UBXN4: variants seen among roughly 807,000 people sequenced by gnomAD.
UBXN4 encodes the protein UBX domain-containing protein 4.
A neutral mutation model predicts 66.2 loss-of-function variants in UBXN4; 35 were observed. That is an observed-to-expected ratio of 0.53 (90% CI 0.40 to 0.70). The LOEUF (loss-of-function observed/expected upper bound fraction) is 0.70. UBXN4 is among the 30% of genes least tolerant of loss of function. The pLI is 0.00. For synonymous variants in UBXN4, 203 were observed against 204.5 expected, an observed-to-expected ratio of 0.99 and a Z score of 0.06; for missense variants, 533 against 599.8, an observed-to-expected ratio of 0.89 and a Z score of 1.16.
At chr2:135,770,863 T>TAA in intron 8 of UBXN4, 128 bp downstream of exon 8, 1 of 912,778 alleles carries the variant, frequency 1.1e-6, no homozygotes, top group African/African-American at 1.7e-5. Context: ...GAGCTTCCTT[T>TAA]TATTAGAAAT....
chr2:135,758,979 G>A (rs1268524766), intron 5 of UBXN4, among the ~76,000 whole-genome samples: 2 of 152,104 alleles, frequency 1.3e-5, no homozygotes, highest in African/African-American at 2.4e-5. Context: ...GGCTGGCCTC[G>A]AACTCCTGAC....
intron 5 of UBXN4, among the ~76,000 whole-genome samples, chr2:135,760,773 C>T (rs1032145650): frequency 6.6e-6 from 1 of 152,210 alleles, no homozygotes; most frequent in Non-Finnish European, 1.5e-5. Context: ...TTCAGTGATA[C>T]ACTGGTAAAC....
In UBXN4 at chr2:135,783,074, T is replaced by C; in HGVS notation, c.*187T>C. 2 of 575,760 alleles carry C rather than the reference T, an allele frequency of 3.5e-6. No homozygotes were observed. The highest frequency in any genetic ancestry group is 5.7e-6 in the Non-Finnish European group (2 of 348,492). The allele number at this position is 575,760 out of a possible 1,614,324, so 35.7% of individuals were successfully genotyped here. A position where few individuals can be genotyped will look rare whatever the true frequency, so the allele number is the denominator to read the frequency against. Reference sequence around the variant, plus strand: ...AAAGTAAAGACAGGAAATAACTCTCTGCTAGGTCCTTGCTTATATGGCAAC... The same window carrying C: ...AAAGTAAAGACAGGAAATAACTCTCCGCTAGGTCCTTGCTTATATGGCAAC... On this transcript the variant is annotated 3_prime_UTR_variant, in exon 13 of 13. Coordinates refer to ENST00000272638, the MANE Select transcript of UBXN4 (RefSeq NM_014607.4).
intron 5 of UBXN4, among the ~76,000 whole-genome samples, chr2:135,758,393 T>C (rs1270761598): frequency 6.6e-6 from 1 of 151,980 alleles, no homozygotes; most frequent in African/African-American, 2.4e-5. Context: ...AATTATATTC[T>C]TTGCAGAGAT....
chr2:135,758,883 C>A (rs868574109), intron 5 of UBXN4, among the ~76,000 whole-genome samples: 1 of 151,912 alleles, frequency 6.6e-6, no homozygotes, highest in African/African-American at 2.4e-5. Flanking sequence ...CTCAGCCTCC[C>A]GAGTAGCTGG....
intron 4 of UBXN4, among the ~76,000 whole-genome samples, chr2:135,754,611 C>T (rs2077268398): frequency 6.6e-6 from 1 of 151,912 alleles, no homozygotes. Context: ...GTGTGAGCCA[C>T]CGCACCCTTC....
At chr2:135,753,466 T>C in intron 2 of UBXN4, 73 bp from the exon 3 acceptor site, 2 of 1,374,826 alleles carry the variant, frequency 1.5e-6, no homozygotes, top group Non-Finnish European at 1.9e-6. Context: ...GTACAGTAAA[T>C]TTTATTAAAA....
At chr2:135,771,589 T>A (rs1303088823) in intron 8 of UBXN4, among the ~76,000 whole-genome samples, 2 of 152,022 alleles carry the variant, frequency 1.3e-5, no homozygotes, top group African/African-American at 4.8e-5. Flanking sequence ...TGAGATGGAG[T>A]TTTAGTCTTG....
intron 5 of UBXN4, among the ~76,000 whole-genome samples, chr2:135,759,682 A>G (rs567066145): frequency 1.3e-5 from 2 of 152,220 alleles, no homozygotes; most frequent in East Asian, 3.9e-4. Flanking sequence ...TTTAAGCCTA[A>G]AGGCGGAACT....
intron 12 of UBXN4, 89 bp downstream of exon 12, chr2:135,780,474 G>T: frequency 8.1e-7 from 1 of 1,238,094 alleles, no homozygotes; most frequent in Non-Finnish European, 1.2e-6. Flanking sequence ...TTGCCTTTCT[G>T]TATATGTCCT....
intron 5 of UBXN4, among the ~76,000 whole-genome samples, chr2:135,760,779 T>C (rs554577797): frequency 6.6e-6 from 1 of 152,214 alleles, no homozygotes; most frequent in South Asian, 2.1e-4. Flanking sequence ...GATACACTGG[T>C]AAACATTTAT....
chr2:135,753,739 T>G (rs950688275), intron 3 of UBXN4, 172 bp downstream of exon 3: 1 of 587,468 alleles, frequency 1.7e-6, no homozygotes, highest in Non-Finnish European at 2.8e-6. Flanking sequence ...ATAGGAAATT[T>G]CAAACATATA....
chr2:135,762,058 C>A, intron 6 of UBXN4, 147 bp downstream of exon 6: 1 of 769,148 alleles, frequency 1.3e-6, no homozygotes, highest in Non-Finnish European at 2.1e-6. Context: ...AATTTGTATC[C>A]ATAAACATTA....
In UBXN4 at chr2:135,745,369, G is replaced by A. The variant is rs560493695; in HGVS notation, c.83-2898G>A. 7.2e-5 allele frequency among the ~76,000 whole-genome samples: 11 copies of A among 152,268 alleles called. No homozygotes were observed. In the East Asian group the frequency reaches 1.9e-3, roughly 27 times the overall value. ...AGATTTTAGCTTAACTGTCACCTCA[G>A]AGAGGGCTTCTCTGACCATTATAAA... On this transcript the variant is annotated intron_variant, in intron 1 of 12. Transcript: ENST00000272638.
At chr2:135,743,680 T>G (rs2077191295) in intron 1 of UBXN4, among the ~76,000 whole-genome samples, 1 of 152,164 alleles carries the variant, frequency 6.6e-6, no homozygotes, top group South Asian at 2.1e-4. Context: ...GAAATTTGGA[T>G]TATGGTAGTC....
chr2:135,779,066 T>C lies in UBXN4; in HGVS notation c.1172T>C (p.Val391Ala). 1 of 1,612,884 alleles carries C rather than the reference T, an allele frequency of 6.2e-7. No homozygotes were observed. Among genetic ancestry groups the C allele is most frequent in the Non-Finnish European group, 8.5e-7 (1 of 1,179,638 alleles). Residue 391 changes from valine (V) to alanine (A), a missense_variant, in exon 11 of 13, where the codon GTG becomes GCG. Around this residue, in one of 2 missense-constraint regions of UBXN4, gnomAD observed 529 missense variants for 580.1 expected, o/e 0.91. Transcript: ENST00000272638. Reference sequence around the variant, plus strand: ...TTGGAACTTGCCCCAAGCGCTTCGGTGGTACTGTTGCCAGTATGTATATAC... The same window carrying C: ...TTGGAACTTGCCCCAAGCGCTTCGGCGGTACTGTTGCCAGTATGTATATAC... ...LDLELAPSASVVLLPAGRPTA... is the reference protein window; with the variant it reads ...LDLELAPSASAVLLPAGRPTA...
intron 8 of UBXN4, among the ~76,000 whole-genome samples, chr2:135,772,057 C>T (rs2077386692): frequency 6.6e-6 from 1 of 152,142 alleles, no homozygotes; most frequent in Non-Finnish European, 1.5e-5. Context: ...CAGTGGCTCA[C>T]AACTGTAATC....
At chr2:135,778,786 G>GC (rs1232079120) in intron 10 of UBXN4, among the ~76,000 whole-genome samples, 162 bp from the exon 11 acceptor site, 1 of 152,152 alleles carries the variant, frequency 6.6e-6, no homozygotes, top group Non-Finnish European at 1.5e-5. Context: ...TAGCTTTTCA[G>GC]CTGCTTAGGG....
intron 4 of UBXN4, among the ~76,000 whole-genome samples, chr2:135,754,821 G>T (rs1316629801): frequency 6.6e-6 from 1 of 152,076 alleles, no homozygotes; most frequent in Admixed American, 6.5e-5. Context: ...TGGAGTCTCT[G>T]TTGCCCAGGC....
Sources: gnomAD v4.1 joint callset for allele counts (sites outside exome capture counted in the v4.1 genomes callset) on GRCh38, gnomAD v4.1.1 for gene constraint, gnomAD v4.1.1 regional missense constraint, MANE v1.5 for transcripts, NCBI Gene and HGNC (gene_info 2026-07-23, HGNC 2026-07-21) for gene names.